Variants in WWOX observed in about 807,000 individuals in gnomAD.
The protein encoded by WWOX is WW domain containing oxidoreductase, also known as WW domain-containing oxidoreductase.
WWOX carries 69 observed loss-of-function variants against 46.2 expected under a neutral mutation model. That is an observed-to-expected ratio of 1.49 (90% confidence interval 1.23 to 1.82). WWOX has a LOEUF of 1.82. Ranked by LOEUF, WWOX falls within the 40% of genes most tolerant of loss-of-function variation. The pLI, the probability that WWOX is intolerant of heterozygous loss-of-function variation, is 0.00. For missense variants in WWOX, 919 were observed against 542.6 expected (o/e 1.69, Z -6.89); for synonymous variants, 359 against 202.6 (o/e 1.77, Z -6.56).
chr16:78,778,301 C>A (rs144972436), intron 8 of WWOX, among the ~76,000 whole-genome samples: 1 of 152,122 alleles, frequency 6.6e-6, no homozygotes, highest in African/African-American at 2.4e-5. Context: ...ACCACTGATA[C>A]GCCGCCAGCA....
intron 8 of WWOX, among the ~76,000 whole-genome samples, chr16:78,578,251 A>ATTTT (rs774065400): frequency 1.5e-4 from 7 of 46,414 alleles, no homozygotes; most frequent in South Asian, 7.9e-4. Context: ...TGCATACCAA[A>ATTTT]TTTTATATAT....
intron 8 of WWOX, among the ~76,000 whole-genome samples, chr16:79,113,706 A>C (rs2049458973): frequency 6.6e-6 from 1 of 150,658 alleles, no homozygotes; most frequent in Admixed American, 6.6e-5. Context: ...TGTAGATGTC[A>C]ATTAAGGCAA....
intron 8 of WWOX, among the ~76,000 whole-genome samples, chr16:78,832,875 T>G (rs1464577842): frequency 6.6e-6 from 1 of 152,146 alleles, no homozygotes; most frequent in Non-Finnish European, 1.5e-5. Context: ...ACCAGTGACT[T>G]TTGAGCTCAT....
rs1419106317 is a variant in WWOX at position 78,773,773 on chromosome 16, A to G, written c.1056+341021A>G. ...GGAGGCGACAAACAAAGAGAAGCAA[A>G]AACAAGTTTGAGCTAATTGGGATCA... is the stretch of plus-strand genomic sequence containing the variant. On this transcript the variant is annotated intron_variant, in intron 8 of 8. Transcript: ENST00000566780. Among the ~76,000 whole-genome samples the G allele has an allele frequency of 2.6e-5, 4 of 152,188 alleles. No individual in the cohort carries two copies. The South Asian group carries it at 8.3e-4, about 32-fold the overall frequency.
intron 6 of WWOX, among the ~76,000 whole-genome samples, chr16:78,410,163 T>A (rs2082644841): frequency 6.6e-6 from 1 of 152,198 alleles, no homozygotes; most frequent in African/African-American, 2.4e-5. Context: ...CCCTTTTGCC[T>A]TCCGCCATGA....
At position 78,922,467 on chromosome 16, in the gene WWOX, C is replaced by G. The variant is rs577562508; in HGVS notation, c.1057-289141C>G. 3.1e-3 allele frequency among the ~76,000 whole-genome samples: 474 copies of G among 151,466 alleles called. 2 individuals carry two copies. The highest frequency in any genetic ancestry group is 0.011 in the African/African-American group (456 of 41,262). Reference sequence around the variant, plus strand: ...GACCTTGGCTCACTGCAATTTCTACCTCCCGGGTTCAAGCGATTCTCGTGC... The same window carrying G: ...GACCTTGGCTCACTGCAATTTCTACGTCCCGGGTTCAAGCGATTCTCGTGC... On this transcript the variant is annotated intron_variant, in intron 8 of 8. Coordinates refer to ENST00000566780, the MANE Select transcript of WWOX (RefSeq NM_016373.4).
chr16:78,709,573 C>G (rs1032785438), intron 8 of WWOX, among the ~76,000 whole-genome samples: 5 of 152,146 alleles, frequency 3.3e-5, no homozygotes, highest in Non-Finnish European at 7.3e-5. Flanking sequence ...CCTGTCTGCA[C>G]TGCCCTGCTA....
intron 5 of WWOX, among the ~76,000 whole-genome samples, chr16:78,297,259 G>C (rs988917190): frequency 6.6e-6 from 1 of 152,100 alleles, no homozygotes; most frequent in African/African-American, 2.4e-5. Flanking sequence ...AATGGTTTCT[G>C]CACAGCTTTG....
intron 8 of WWOX, among the ~76,000 whole-genome samples, chr16:78,651,613 G>C (rs963387831): frequency 1.2e-4 from 19 of 152,176 alleles, no homozygotes; most frequent in African/African-American, 4.6e-4. Flanking sequence ...TAGAACCTCA[G>C]TGCTATTGCT....
In WWOX at chr16:79,011,430, C is replaced by A. The variant is rs138072479; in HGVS notation, c.1057-200178C>A. 1.1e-3 allele frequency among the ~76,000 whole-genome samples: 172 copies of A among 150,756 alleles called. 4 individuals are homozygous for A. In the East Asian group the frequency reaches 0.029, roughly 25 times the overall value. On this transcript the variant is annotated intron_variant, in intron 8 of 8. Coordinates refer to ENST00000566780, the MANE Select transcript of WWOX (RefSeq NM_016373.4). ...AATTCCCTTGCATTTGGTTTTCATC[C>A]CCCATAGTCTTCCTTTTTTTATTTT...
chr16:78,454,082 C>T (rs2083754020), intron 8 of WWOX, among the ~76,000 whole-genome samples: 3 of 151,978 alleles, frequency 2.0e-5, no homozygotes, highest in African/African-American at 7.2e-5. Context: ...TAACTAATAC[C>T]CAAGAAATTC....
intron 8 of WWOX, among the ~76,000 whole-genome samples, chr16:78,950,533 TACACACACACAC>T (rs141591649): frequency 2.2e-4 from 32 of 147,056 alleles, no homozygotes; most frequent in Non-Finnish European, 3.3e-4. Context: ...CACACACACA[TACACACACACAC>T]ACACACACAC....
chr16:79,193,346 G>A (rs939747159), intron 8 of WWOX, among the ~76,000 whole-genome samples: 46 of 152,216 alleles, frequency 3.0e-4, no homozygotes, highest in Admixed American at 1.5e-3. Context: ...ACTAAGCCTG[G>A]AACAGAGGAG....
chr16:78,835,095 A>C (rs1567593306), intron 8 of WWOX, among the ~76,000 whole-genome samples: 5 of 152,134 alleles, frequency 3.3e-5, no homozygotes, highest in South Asian at 2.1e-4. Context: ...AAGCTCCAAA[A>C]ATGAAGCCCA....
chr16:78,658,686 C>A (rs539971055), intron 8 of WWOX, among the ~76,000 whole-genome samples: 4 of 152,142 alleles, frequency 2.6e-5, no homozygotes, highest in Non-Finnish European at 4.4e-5. Flanking sequence ...TCTGTCTTTG[C>A]TCCCTTTTCC....
intron 8 of WWOX, among the ~76,000 whole-genome samples, chr16:78,917,131 C>G (rs1042697725): frequency 6.6e-6 from 1 of 152,190 alleles, no homozygotes; most frequent in Non-Finnish European, 1.5e-5. Context: ...TCTGACGTGG[C>G]TGGGACAACA....
At chr16:78,709,610 G>C (rs756191601) in intron 8 of WWOX, among the ~76,000 whole-genome samples, 18 of 152,090 alleles carry the variant, frequency 1.2e-4, no homozygotes, top group African/African-American at 4.8e-5. Flanking sequence ...GCGTGCTGTG[G>C]GTACCTTCAC....
intron 6 of WWOX, among the ~76,000 whole-genome samples, chr16:78,406,297 AATATAAATATATATATATAT>A (rs1371649531): frequency 1.5e-4 from 11 of 74,060 alleles, no homozygotes; most frequent in African/African-American, 3.7e-4. Flanking sequence ...ACAGCATATA[AATATAAATATATATATATAT>A]ATATATATAT....
chr16:79,006,066 A>G (rs1597265503), intron 8 of WWOX, among the ~76,000 whole-genome samples: 1 of 152,276 alleles, frequency 6.6e-6, no homozygotes, highest in East Asian at 1.9e-4. Flanking sequence ...ACCCATATCA[A>G]CAAGGCATGG....
Sources: allele counts gnomAD v4.1 joint callset (sites outside exome capture counted in the v4.1 genomes callset), GRCh38; gene constraint gnomAD v4.1.1; transcripts MANE v1.5; gene names NCBI Gene and HGNC (gene_info 2026-07-23, HGNC 2026-07-21).